The following DGKG variants were observed in gnomAD, a reference collection of about 807,000 sequenced individuals.
The protein encoded by DGKG is diacylglycerol kinase gamma.
DGKG carries 78 observed loss-of-function variants against 105.3 expected under a neutral mutation model. That is an observed-to-expected ratio of 0.74 (90% CI 0.62 to 0.89). The LOEUF (loss-of-function observed/expected upper bound fraction) is 0.89, where lower values mean the gene tolerates loss of function less well. DGKG is among the 40% of genes least tolerant of loss of function. The pLI is 0.00. For synonymous variants in DGKG, 346 were observed against 367.1 expected, an observed-to-expected ratio of 0.94 and a Z score of 0.66; for missense variants, 958 against 1,020.1, an observed-to-expected ratio of 0.94 and a Z score of 0.83.
chr3:186,309,588 T>A (rs1724417898), intron 2 of DGKG, among the ~76,000 whole-genome samples: 2 of 152,178 alleles, frequency 1.3e-5, no homozygotes, highest in Non-Finnish European at 2.9e-5. Context: ...GAATCTATTT[T>A]AATGGGAGGT....
intron 21 of DGKG, among the ~76,000 whole-genome samples, chr3:186,193,368 AG>A (rs1717999387): frequency 6.6e-6 from 1 of 152,234 alleles, no homozygotes; most frequent in Non-Finnish European, 1.5e-5. Context: ...ATCTGCCTTA[AG>A]GGGTGGGTTG....
At position 186,231,207 on chromosome 3, in the gene DGKG, T is replaced by C. The variant is rs185754307; in HGVS notation, c.1826+11297A>G. Among the ~76,000 whole-genome samples the C allele has an allele frequency of 1.5e-3, 229 of 152,274 alleles. 1 individual carries two copies. The highest frequency in any genetic ancestry group is 5.4e-3 in the African/African-American group (225 of 41,544). ...AGGAAAAGTGATTTTGGATAACTTG[T>C]GGTTTTCTCATGGGCCCTTTAATCA... On this transcript the variant is annotated intron_variant, in intron 20 of 24. Coordinates refer to ENST00000265022, the MANE Select transcript of DGKG (RefSeq NM_001346.3). The surrounding 1 kb of genome is among the most constrained non-coding windows in gnomAD (Gnocchi z 4.5).
chr3:186,354,185 T>G (rs1241638039), intron 1 of DGKG, among the ~76,000 whole-genome samples: 1 of 152,126 alleles, frequency 6.6e-6, no homozygotes, highest in East Asian at 1.9e-4. Flanking sequence ...GGAAAGAGCT[T>G]TCTCTAGCTT....
At chr3:186,250,316 C>G (rs1721146070) in intron 19 of DGKG, among the ~76,000 whole-genome samples, 1 of 152,066 alleles carries the variant, frequency 6.6e-6, no homozygotes. Flanking sequence ...CCAACACACA[C>G]TGGGGCCTGT....
At chr3:186,310,612 A>G (rs1724494382) in intron 2 of DGKG, among the ~76,000 whole-genome samples, 1 of 152,232 alleles carries the variant, frequency 6.6e-6, no homozygotes, top group African/African-American at 2.4e-5. Context: ...AAGACAGAAA[A>G]GAACAACGAG....
chr3:186,192,787 T>C (rs948114361), intron 21 of DGKG, among the ~76,000 whole-genome samples: 5 of 152,230 alleles, frequency 3.3e-5, no homozygotes, highest in Admixed American at 6.5e-5. Context: ...CTCTATCTTA[T>C]AGAGTGCTTA....
intron 21 of DGKG, among the ~76,000 whole-genome samples, chr3:186,208,334 G>A (rs1011087300): frequency 1.3e-5 from 2 of 151,584 alleles, no homozygotes; most frequent in African/African-American, 2.4e-5. Flanking sequence ...GAGCCACCGC[G>A]CCTCGCCACG....
chr3:186,177,864 T>C (rs1190392036), intron 22 of DGKG, among the ~76,000 whole-genome samples: 1 of 152,202 alleles, frequency 6.6e-6, no homozygotes, highest in Non-Finnish European at 1.5e-5. Context: ...ATTAAGAAGA[T>C]TAAACCCTGC....
intron 1 of DGKG, among the ~76,000 whole-genome samples, chr3:186,353,730 C>A (rs1726768496): frequency 6.8e-6 from 1 of 146,318 alleles, no homozygotes. Context: ...TTCCACTCAG[C>A]TCCTGGAAAC....
At chr3:186,233,604 C>A (rs948014803) in intron 20 of DGKG, among the ~76,000 whole-genome samples, 2 of 152,162 alleles carry the variant, frequency 1.3e-5, no homozygotes, top group African/African-American at 4.8e-5. Context: ...CTCAGCCTCC[C>A]GAGTAGCTGG....
At chr3:186,358,659 C>CT (rs571198419) in intron 1 of DGKG, among the ~76,000 whole-genome samples, 2,402 of 142,694 alleles carry the variant, frequency 0.017, 55 homozygotes, top group African/African-American at 0.054. Context: ...GCCTTGATTT[C>CT]TTTTTTTTTT....
chr3:186,350,235 T>C (rs1202092061), intron 1 of DGKG, among the ~76,000 whole-genome samples: 1 of 152,216 alleles, frequency 6.6e-6, no homozygotes, highest in Non-Finnish European at 1.5e-5. Flanking sequence ...TGGCATTAAA[T>C]GATAACTACC....
At chr3:186,178,298 T>A (rs1228364003) in intron 22 of DGKG, among the ~76,000 whole-genome samples, 1 of 152,204 alleles carries the variant, frequency 6.6e-6, no homozygotes, top group Non-Finnish European at 1.5e-5. Flanking sequence ...GCAGAGCATG[T>A]GGCCAGGACG....
At chr3:186,352,663 C>A (rs1411670761) in intron 1 of DGKG, among the ~76,000 whole-genome samples, 3 of 152,178 alleles carry the variant, frequency 2.0e-5, no homozygotes, top group African/African-American at 7.2e-5. Context: ...GGCTTCTCTG[C>A]CTCCCTCAGC....
chr3:186,350,695 A>G (rs1726587661), intron 1 of DGKG, among the ~76,000 whole-genome samples: 1 of 152,190 alleles, frequency 6.6e-6, no homozygotes, highest in Non-Finnish European at 1.5e-5. Flanking sequence ...GTACCACTTC[A>G]CATTCCCATC....
rs79952578 is a variant in DGKG, at chr3:186,332,321, C to T, written c.-248-11614G>A. ...AAACCTTGCTCTTGCCCTGGGGCCA[C>T]CTCTGTGAATCCTGGGAGAGTTCAC... On this transcript the variant is annotated intron_variant, in intron 1 of 24. Coordinates refer to ENST00000265022, the MANE Select transcript of DGKG (RefSeq NM_001346.3). Among the ~76,000 whole-genome samples, 848 of 152,288 alleles carry T rather than the reference C, an allele frequency of 5.6e-3. 13 individuals are homozygous for T. The highest frequency in any genetic ancestry group is 0.02 in the African/African-American group (819 of 41,550).
intron 17 of DGKG, among the ~76,000 whole-genome samples, chr3:186,254,635 T>G (rs1462071177): frequency 6.6e-6 from 1 of 152,142 alleles, no homozygotes; most frequent in Non-Finnish European, 1.5e-5. Flanking sequence ...GTTGTCTCCT[T>G]ACTAGATCTC....
chr3:186,193,651 G>A (rs1718017685), intron 21 of DGKG, among the ~76,000 whole-genome samples: 1 of 152,250 alleles, frequency 6.6e-6, no homozygotes, highest in Non-Finnish European at 1.5e-5. Flanking sequence ...GTGGAAGGCA[G>A]CCGTGCCGTC....
chr3:186,242,666 AC>A lies in DGKG; in HGVS notation c.1762-99del, dbSNP rs762476788. 1.4e-4 allele frequency: 137 copies of A among 992,712 alleles called. 2 individuals carry two copies. Among genetic ancestry groups the A allele is most frequent in the Non-Finnish European group, 1.8e-4 (124 of 673,296 alleles). The allele number at this position is 992,712 out of a possible 1,614,324, so 61.5% of individuals were successfully genotyped here. ...CGCATGCACTCGCTGAGTCATGCCA[AC>A]CCTGGGACTCTATCTATCGCATGGT... On this transcript the variant is annotated intron_variant, in intron 19 of 24. Transcript: ENST00000265022.
Sources: allele counts gnomAD v4.1 joint callset (sites outside exome capture counted in the v4.1 genomes callset), GRCh38; gene constraint gnomAD v4.1.1; non-coding constraint Gnocchi (gnomAD v3.1); transcripts MANE v1.5; gene names NCBI Gene and HGNC (gene_info 2026-07-23, HGNC 2026-07-21).